AFMID: variants seen among roughly 807,000 people sequenced by gnomAD.
AFMID encodes the protein kynurenine formamidase.
In AFMID, 39 loss-of-function variants were observed where a neutral mutation model predicts 47.5. The observed-to-expected ratio is 0.82, with a 90% CI of 0.64 to 1.07. The LOEUF (loss-of-function observed/expected upper bound fraction) is 1.07, where lower values mean the gene tolerates loss of function less well. AFMID is among the 50% of genes least tolerant of loss of function. The pLI is 0.00. For missense variants in AFMID, 375 were observed against 387.5 expected, an observed-to-expected ratio of 0.97 and a Z score of 0.27; for synonymous variants, 130 against 153.2, an observed-to-expected ratio of 0.85 and a Z score of 1.12.
chr17:78,204,960 A>G (rs779411133), intron 6 of AFMID, 60 bp downstream of exon 6: 42 of 1,604,718 alleles, frequency 2.6e-5, no homozygotes, highest in Middle Eastern at 1.6e-4. Context: ...GGACAGTGCA[A>G]TCAGTACCTA....
intron 2 of AFMID, among the ~76,000 whole-genome samples, chr17:78,198,275 C>A: frequency 6.6e-6 from 1 of 151,762 alleles, no homozygotes; most frequent in Non-Finnish European, 1.5e-5. Flanking sequence ...CTGGCCAACA[C>A]CGTGAAAACC....
chr17:78,205,902 C>A, intron 9 of AFMID, 44 bp from the exon 10 acceptor site: 4 of 1,603,166 alleles, frequency 2.5e-6, no homozygotes, highest in Non-Finnish European at 3.4e-6. Context: ...CCCCACCTCC[C>A]CTCCCACTGC....
At position 78,197,592 on chromosome 17, in the gene AFMID, G is replaced by A. The variant is rs1351804825; in HGVS notation, c.155-4907G>A. The A allele has an allele frequency of 2.0e-5, 4 of 200,114 alleles. No individual in the cohort carries two copies. The South Asian group carries it at 3.1e-4, about 16-fold the overall frequency. The allele number at this position is 200,114 out of a possible 1,614,324, so 12.4% of individuals were successfully genotyped here. A position where few individuals can be genotyped will look rare whatever the true frequency, so the allele number is the denominator to read the frequency against. ...CTGGTATTTTGTTATAGCCGCCCAG[G>A]CTGACTCAGACAGGAGCCCAGGATG... On this transcript the variant is annotated intron_variant, in intron 2 of 10. Coordinates refer to ENST00000409257, the MANE Select transcript of AFMID (RefSeq NM_001010982.5).
chr17:78,199,587 G>C (rs1201064816), intron 2 of AFMID, among the ~76,000 whole-genome samples: 1 of 151,938 alleles, frequency 6.6e-6, no homozygotes, highest in Non-Finnish European at 1.5e-5. Context: ...ATTGGCCAGG[G>C]TGGTCTCGAA....
intron 2 of AFMID, among the ~76,000 whole-genome samples, chr17:78,192,032 CT>C (rs2075982707): frequency 7.1e-6 from 1 of 140,394 alleles, no homozygotes; most frequent in South Asian, 2.3e-4. Context: ...GAGTTTCGCT[CT>C]TGTTGCCCAG....
At position 78,188,879 on chromosome 17, in the gene AFMID, G is replaced by A. The variant is rs189088200; in HGVS notation, c.63+1446G>A. The stretch of plus-strand genomic sequence containing the variant: ...CCCAAAGTGCTGGGTTTACAGGCAT[G>A]AGCCACTGCGCCTGGCCAATTTTTG... On this transcript the variant is annotated intron_variant, in intron 1 of 10. Transcript: ENST00000409257. 8.0e-3 allele frequency among the ~76,000 whole-genome samples: 1,220 copies of A among 152,254 alleles called. 12 individuals carry two copies. The highest frequency in any genetic ancestry group is 0.013 in the Non-Finnish European group (895 of 68,018).
intron 4 of AFMID, 39 bp downstream of exon 4, chr17:78,202,790 T>G: frequency 1.9e-6 from 3 of 1,549,792 alleles, no homozygotes; most frequent in Non-Finnish European, 2.6e-6. Context: ...GCAAGAGAGA[T>G]TCCACTTTCC....
At chr17:78,197,139 T>C (rs918506527) in intron 2 of AFMID, 2 of 1,549,614 alleles carry the variant, frequency 1.3e-6, no homozygotes, top group Admixed American at 2.0e-5. Flanking sequence ...ATCTAGTCCA[T>C]TTATAGGCTT....
rs529248820 is a variant in AFMID at position 78,197,866 on chromosome 17, C to A, written c.155-4633C>A. On this transcript the variant is annotated intron_variant, in intron 2 of 10. Transcript: ENST00000409257. ...GGGGCCGGTGGCGCATGCCTGTAAT[C>A]CCAGACTTTGGGAAACCAAAGCAGG... 2.2e-4 allele frequency among the ~76,000 whole-genome samples: 34 copies of A among 152,128 alleles called. No homozygotes were observed. The South Asian group carries it at 6.7e-3, about 30-fold the overall frequency.
At position 78,202,830 on chromosome 17, in the gene AFMID, A is replaced by T. The variant is rs569315784; in HGVS notation, c.308+79A>T. The T allele has an allele frequency of 2.2e-4, 336 of 1,506,288 alleles. 3 individuals are homozygous for T. The East Asian group carries it at 8.1e-3, about 36-fold the overall frequency. The allele number at this position is 1,506,288 out of a possible 1,614,324, so 93.3% of individuals were successfully genotyped here. A position where few individuals can be genotyped will look rare whatever the true frequency, so the allele number is the denominator to read the frequency against. On this transcript the variant is annotated intron_variant, in intron 4 of 10. Coordinates refer to ENST00000409257, the MANE Select transcript of AFMID (RefSeq NM_001010982.5). ...GGGACTCCTCCTCCAGGGCTGCCGC[A>T]ACCAAACTGCCACAAGCTGGGCACT... is the stretch of plus-strand genomic sequence containing the variant.
chr17:78,204,438 G>A (rs1415252436), intron 4 of AFMID, among the ~76,000 whole-genome samples: 3 of 152,112 alleles, frequency 2.0e-5, no homozygotes, highest in Non-Finnish European at 2.9e-5. Flanking sequence ...AGGCCCTATC[G>A]CTTAGAAAAC....
intron 2 of AFMID, among the ~76,000 whole-genome samples, chr17:78,201,305 A>C (rs1161666136): frequency 6.6e-6 from 1 of 151,392 alleles, no homozygotes; most frequent in African/African-American, 2.4e-5. Flanking sequence ...AAAAAAAAAA[A>C]ACGATGAATG....
rs116888196 is a variant in AFMID at position 78,205,532 on chromosome 17, C to T, written c.644+14C>T. On this transcript the variant is annotated intron_variant, in intron 8 of 10. Transcript: ENST00000409257. ...CCAGCTGACCCTGTGAGTTACTTGG[C>T]CACCACCTCCCCTGGCTCACCAGGA... 3.4e-4 allele frequency: 543 copies of T among 1,614,148 alleles called. 8 individuals are homozygous for T. The East Asian group carries it at 9.9e-3, about 30-fold the overall frequency.
At chr17:78,196,337 C>A (rs186824283) in intron 2 of AFMID, among the ~76,000 whole-genome samples, 1 of 152,064 alleles carries the variant, frequency 6.6e-6, no homozygotes, top group Non-Finnish European at 1.5e-5. Context: ...TGCACTCTAG[C>A]CTGGGTGACA....
At chr17:78,205,337 C>G in intron 7 of AFMID, 103 bp from the exon 8 acceptor site, 1 of 1,462,076 alleles carries the variant, frequency 6.8e-7, no homozygotes, top group Non-Finnish European at 9.6e-7. Flanking sequence ...TCTGCCTCCT[C>G]TGTGCCCCTT....
chr17:78,189,622 G>A (rs979100613), intron 1 of AFMID, among the ~76,000 whole-genome samples: 3 of 150,860 alleles, frequency 2.0e-5, no homozygotes, highest in African/African-American at 4.9e-5. Context: ...GGGCTCAAGC[G>A]ATTCTCCTGC....
At position 78,207,034 on chromosome 17, in the gene AFMID, C is replaced by T. The variant is rs1358769074; in HGVS notation, c.*97C>T. 1.5e-6 allele frequency: 2 copies of T among 1,331,070 alleles called. No individual in the cohort carries two copies. The highest frequency in any genetic ancestry group is 2.3e-5 in the East Asian group (1 of 43,510). The allele number at this position is 1,331,070 out of a possible 1,614,324, so 82.5% of individuals were successfully genotyped here. ...TGACACTGACAGCTTCAGTTTCCCC[C>T]AGCACCCAGGAGAGCCTTGCTGTGT... is the stretch of plus-strand genomic sequence containing the variant. On this transcript the variant is annotated 3_prime_UTR_variant, in exon 11 of 11. Coordinates refer to ENST00000409257, the MANE Select transcript of AFMID (RefSeq NM_001010982.5).
chr17:78,187,728 C>T (rs1045884086), intron 1 of AFMID, among the ~76,000 whole-genome samples: 4 of 151,996 alleles, frequency 2.6e-5, no homozygotes, highest in Middle Eastern at 3.4e-3. Context: ...GCACTTTTGG[C>T]GGATCACGAG....
intron 2 of AFMID, among the ~76,000 whole-genome samples, chr17:78,201,687 G>A (rs192389022): frequency 6.6e-6 from 1 of 152,096 alleles, no homozygotes; most frequent in Non-Finnish European, 1.5e-5. Context: ...TGCTGAAAAG[G>A]GTCCTCGCAG....
Sources: gnomAD v4.1 joint callset for allele counts (sites outside exome capture counted in the v4.1 genomes callset) on GRCh38, gnomAD v4.1.1 for gene constraint, MANE v1.5 for transcripts, NCBI Gene and HGNC (gene_info 2026-07-23, HGNC 2026-07-21) for gene names.